AKT3: variants seen among roughly 807,000 people sequenced by gnomAD.
The protein encoded by AKT3 is RAC-gamma serine/threonine-protein kinase.
AKT3 carries 15 observed loss-of-function variants against 65.3 expected under a neutral mutation model. The observed-to-expected ratio is 0.23, with a 90% CI of 0.15 to 0.35. AKT3 has a LOEUF of 0.35. AKT3 is among the 10% of genes least tolerant of loss of function. The pLI is 1.00. For missense variants in AKT3, 243 were observed against 576.5 expected (o/e 0.42, Z 5.92); for synonymous variants, 206 against 183.8 (o/e 1.12, Z -0.98).
chr1:243,708,310 A>T (rs1454002740), intron 2 of AKT3, among the ~76,000 whole-genome samples: 3 of 152,040 alleles, frequency 2.0e-5, no homozygotes, highest in African/African-American at 7.2e-5. Flanking sequence ...AATAATTTTG[A>T]GTACTCCCCA....
At chr1:243,683,322 T>C (rs1176744382) in intron 3 of AKT3, among the ~76,000 whole-genome samples, 3 of 152,164 alleles carry the variant, frequency 2.0e-5, no homozygotes, top group South Asian at 4.1e-4. Flanking sequence ...TGGTACAATG[T>C]TGAGAACATA....
At position 243,665,548 on chromosome 1, in the gene AKT3, A is replaced by G. The variant is rs114806172; in HGVS notation, c.173-665T>C. Among the ~76,000 whole-genome samples the G allele has an allele frequency of 3.8e-3, 575 of 152,316 alleles. 5 individuals are homozygous for G. Among genetic ancestry groups the G allele is most frequent in the African/African-American group, 0.013 (536 of 41,550 alleles). On this transcript the variant is annotated intron_variant, in intron 3 of 13. Coordinates refer to ENST00000673466, the MANE Select transcript of AKT3 (RefSeq NM_005465.7). ...AACTAGGAAGATGTCAACAAACATG[A>G]GCCTAAAGTATGGATTCTCTGACAC...
chr1:243,553,505 T>C (rs1353357989), intron 10 of AKT3, among the ~76,000 whole-genome samples: 1 of 152,210 alleles, frequency 6.6e-6, no homozygotes, highest in Non-Finnish European at 1.5e-5. Context: ...CCTGTATGTT[T>C]CAACTCTTTC....
intron 2 of AKT3, among the ~76,000 whole-genome samples, chr1:243,722,128 A>G (rs1021377362): frequency 6.6e-6 from 1 of 152,192 alleles, no homozygotes; most frequent in Non-Finnish European, 1.5e-5. Flanking sequence ...AGCAGGTGTT[A>G]CGTTATTCTC....
At chr1:243,755,525 A>G (rs913230733) in intron 2 of AKT3, among the ~76,000 whole-genome samples, 2 of 152,144 alleles carry the variant, frequency 1.3e-5, no homozygotes, top group African/African-American at 2.4e-5. Flanking sequence ...AGATTCACTG[A>G]TAAGAAAGCA....
At chr1:243,753,349 G>A (rs1285827126) in intron 2 of AKT3, among the ~76,000 whole-genome samples, 3 of 152,122 alleles carry the variant, frequency 2.0e-5, no homozygotes, top group African/African-American at 7.2e-5. Context: ...TCCTACGTAA[G>A]CAGATTAGCA....
At chr1:243,605,468 A>G (rs1012175049) in intron 8 of AKT3, among the ~76,000 whole-genome samples, 1 of 152,212 alleles carries the variant, frequency 6.6e-6, no homozygotes, top group African/African-American at 2.4e-5. Context: ...AGGAGTAAAG[A>G]ATAGCAAATT....
intron 2 of AKT3, among the ~76,000 whole-genome samples, chr1:243,709,493 A>G (rs1185448871): frequency 1.3e-5 from 2 of 151,918 alleles, no homozygotes; most frequent in Non-Finnish European, 2.9e-5. Flanking sequence ...TCCACTCAGG[A>G]ACTATGCCAT....
At chr1:243,696,082 T>G (rs1445775681) in intron 2 of AKT3, among the ~76,000 whole-genome samples, 1 of 151,814 alleles carries the variant, frequency 6.6e-6, no homozygotes, top group Non-Finnish European at 1.5e-5. Context: ...TCAATGAATT[T>G]CCATTAAAAA....
Position 243,849,932 on chromosome 1 carries a change from C to G in AKT3, c.-113+108G>C, listed in dbSNP as rs912680275. On this transcript the variant is annotated intron_variant, in intron 1 of 13. Transcript: ENST00000673466. Reference sequence around the variant, plus strand: ...AAGCCCCCGCCTCACCCCACCCCGCCGCCATCCCCCGCCTGAGGGAGGCAG... The same window carrying G: ...AAGCCCCCGCCTCACCCCACCCCGCGGCCATCCCCCGCCTGAGGGAGGCAG... 1.1e-4 allele frequency: 91 copies of G among 827,164 alleles called. No homozygotes were observed. The African/African-American group carries it at 1.6e-3, about 14-fold the overall frequency. The allele number at this position is 827,164 out of a possible 1,614,324, so 51.2% of individuals were successfully genotyped here.
chr1:243,740,486 G>C (rs943687453), intron 2 of AKT3, among the ~76,000 whole-genome samples: 1 of 152,146 alleles, frequency 6.6e-6, no homozygotes, highest in Non-Finnish European at 1.5e-5. Flanking sequence ...TCTTCCTGTT[G>C]AAACTAGTAG....
At chr1:243,716,522 C>T (rs1206152448) in intron 2 of AKT3, among the ~76,000 whole-genome samples, 10 of 152,248 alleles carry the variant, frequency 6.6e-5, no homozygotes, top group Middle Eastern at 3.4e-3. Flanking sequence ...ATGGCAAAAC[C>T]TAATCCAAGA....
chr1:243,550,226 C>T lies in AKT3; in HGVS notation c.1163+2503G>A, dbSNP rs897353256. Among the ~76,000 whole-genome samples, 13 of 152,284 alleles carry T rather than the reference C, an allele frequency of 8.5e-5. No individual in the cohort carries two copies. In the East Asian group the frequency reaches 2.5e-3, roughly 29 times the overall value. On this transcript the variant is annotated intron_variant, in intron 11 of 13. Transcript: ENST00000673466. ...CAGAGACTGGTTCATCTCACTCATC[C>T]TTGTATTCTCTGTATTTTGATGCAG...
intron 2 of AKT3, among the ~76,000 whole-genome samples, chr1:243,786,687 G>A (rs1051590324): frequency 2.0e-5 from 3 of 152,016 alleles, no homozygotes; most frequent in Admixed American, 6.5e-5. Flanking sequence ...AGCACGGGGT[G>A]GGGGGGTGCG....
intron 8 of AKT3, among the ~76,000 whole-genome samples, chr1:243,612,240 T>C (rs569643821): frequency 6.6e-6 from 1 of 151,954 alleles, no homozygotes; most frequent in South Asian, 2.1e-4. Flanking sequence ...CCTCAGTAGC[T>C]GGGAGTACAG....
rs553035318 is a variant in AKT3, at chr1:243,774,675, A to G, written c.46+68450T>C. Among the ~76,000 whole-genome samples the G allele has an allele frequency of 3.9e-4, 59 of 152,272 alleles. 1 individual carries two copies. The highest frequency in any genetic ancestry group is 1.3e-3 in the African/African-American group (54 of 41,562). ...AGAAAAGATCTACTTAGGATATACT[A>G]TTTGCTCTATGCTTTCCCAAACTGT... On this transcript the variant is annotated intron_variant, in intron 2 of 13. Coordinates refer to ENST00000673466, the MANE Select transcript of AKT3 (RefSeq NM_005465.7).
At chr1:243,517,848 C>T (rs1032952986) in intron 12 of AKT3, among the ~76,000 whole-genome samples, 5 of 152,206 alleles carry the variant, frequency 3.3e-5, no homozygotes, top group African/African-American at 1.2e-4. Flanking sequence ...TTGTTTCCCA[C>T]TTGTCTCCTC....
At chr1:243,829,076 C>G (rs1026001770) in intron 2 of AKT3, among the ~76,000 whole-genome samples, 4 of 152,152 alleles carry the variant, frequency 2.6e-5, no homozygotes, top group Non-Finnish European at 4.4e-5. Flanking sequence ...CTTCCTATCC[C>G]TGCCTAATCT....
At chr1:243,510,137 T>G (rs985073894) in intron 13 of AKT3, among the ~76,000 whole-genome samples, 2 of 152,234 alleles carry the variant, frequency 1.3e-5, no homozygotes, top group Non-Finnish European at 1.5e-5. Context: ...TCTCAGAGGC[T>G]GAGACTGAGG....
Sources: allele counts gnomAD v4.1 joint callset (sites outside exome capture counted in the v4.1 genomes callset), GRCh38; gene constraint gnomAD v4.1.1; transcripts MANE v1.5; gene names NCBI Gene and HGNC (gene_info 2026-07-23, HGNC 2026-07-21).